The following GALNT11 variants were observed in gnomAD, a reference collection of about 807,000 sequenced individuals.
GALNT11 encodes polypeptide N-acetylgalactosaminyltransferase 11.
GALNT11 carries 47 observed loss-of-function variants against 72.7 expected under a neutral mutation model. The ratio of observed to expected loss-of-function variants is 0.65; its 90% CI spans 0.51 to 0.82. The LOEUF is 0.82. Ranked by LOEUF, GALNT11 falls within the 40% of genes least tolerant of loss-of-function variation. GALNT11 has a pLI of 0.00. For missense variants in GALNT11, 677 were observed against 778.4 expected, an observed-to-expected ratio of 0.87 and a Z score of 1.55; for synonymous variants, 270 against 286.6, an observed-to-expected ratio of 0.94 and a Z score of 0.58.
At chr7:152,065,529 G>A (rs2084259377) in intron 1 of GALNT11, among the ~76,000 whole-genome samples, 1 of 152,186 alleles carries the variant, frequency 6.6e-6, no homozygotes, top group Non-Finnish European at 1.5e-5. Context: ...CTGATTTTTA[G>A]AATTTTCAGC....
In GALNT11 at chr7:152,113,276, A is replaced by G. The variant is rs1197635743; in HGVS notation, c.1111A>G (p.Ile371Val). The G allele has an allele frequency of 6.2e-7, 1 of 1,613,772 alleles. No individual in the cohort carries two copies. Among genetic ancestry groups the G allele is most frequent in the South Asian group, 1.1e-5 (1 of 90,984 alleles). Reference sequence around the variant, plus strand: ...GATGTGTGGCGGTAAGCTCTTCATCATCCCTTGCTCTAGAGTAGGACACAT... The same window carrying G: ...GATGTGTGGCGGTAAGCTCTTCATCGTCCCTTGCTCTAGAGTAGGACACAT... ...IWMCGGKLFI[I>V]PCSRVGHIFR... The change falls in exon 8 of 12, where the codon ATC becomes GTC. Residue 371 changes from isoleucine (I) to valine (V), a missense_variant. By Grantham distance (29) the Ile-to-Val change is conservative. Coordinates refer to ENST00000430044, the MANE Select transcript of GALNT11 (RefSeq NM_022087.4).
chr7:152,081,322 A>C (rs576869631), intron 1 of GALNT11, among the ~76,000 whole-genome samples: 2 of 152,332 alleles, frequency 1.3e-5, no homozygotes, highest in African/African-American at 4.8e-5. Flanking sequence ...GACTACAAAA[A>C]GCATTTCAAA....
chr7:152,079,039 G>A (rs1439098635), intron 1 of GALNT11, among the ~76,000 whole-genome samples: 1 of 152,204 alleles, frequency 6.6e-6, no homozygotes, highest in Non-Finnish European at 1.5e-5. Context: ...TGGCATAGCT[G>A]ACACAGGAAA....
chr7:152,055,281 C>T (rs998205503), intron 1 of GALNT11, among the ~76,000 whole-genome samples: 2 of 152,048 alleles, frequency 1.3e-5, no homozygotes, highest in East Asian at 3.9e-4. Flanking sequence ...TAAAAGATGC[C>T]AAATAATCTC....
intron 1 of GALNT11, among the ~76,000 whole-genome samples, chr7:152,050,173 C>A (rs1314268727): frequency 1.3e-5 from 2 of 152,016 alleles, no homozygotes; most frequent in Non-Finnish European, 2.9e-5. Flanking sequence ...TTTTCTCAAG[C>A]AGAAGTCCCT....
At chr7:152,102,370 T>G (rs2087017783) in intron 3 of GALNT11, among the ~76,000 whole-genome samples, 1 of 151,974 alleles carries the variant, frequency 6.6e-6, no homozygotes, top group Admixed American at 6.5e-5. Flanking sequence ...GGTGAAACTC[T>G]GTCTCTACTA....
intron 6 of GALNT11, among the ~76,000 whole-genome samples, chr7:152,109,617 A>C (rs771464578): frequency 4.6e-5 from 7 of 151,976 alleles, no homozygotes; most frequent in Non-Finnish European, 1.0e-4. Flanking sequence ...TTTCTGGTGT[A>C]TGTTGTTTCT....
intron 1 of GALNT11, among the ~76,000 whole-genome samples, chr7:152,029,817 C>T (rs535838817): frequency 4.6e-5 from 7 of 152,300 alleles, no homozygotes; most frequent in East Asian, 1.9e-4. Flanking sequence ...TAGATCTGGT[C>T]GGACCTTTGT....
intron 3 of GALNT11, among the ~76,000 whole-genome samples, chr7:152,101,634 CT>C (rs145722687): frequency 9.3e-5 from 10 of 107,940 alleles, no homozygotes; most frequent in Admixed American, 4.2e-4. Context: ...AAGTTCATGG[CT>C]TTTTTTTGGG....
intron 8 of GALNT11, 49 bp from the exon 9 acceptor site, chr7:152,117,108 T>C: frequency 6.6e-7 from 1 of 1,519,708 alleles, no homozygotes; most frequent in Non-Finnish European, 8.9e-7. Flanking sequence ...TGTATCATCA[T>C]TTTTAACAAA....
chr7:152,116,762 C>A, intron 8 of GALNT11: 1 of 354,992 alleles, frequency 2.8e-6, no homozygotes, highest in Admixed American at 3.9e-5. Context: ...AGCCAGCCAG[C>A]CAGCAAAAAG....
At chr7:152,076,420 G>C (rs1382116862) in intron 1 of GALNT11, among the ~76,000 whole-genome samples, 1 of 151,974 alleles carries the variant, frequency 6.6e-6, no homozygotes, top group African/African-American at 2.4e-5. Context: ...AATGAAGTGC[G>C]CCGTCTAGGA....
At chr7:152,027,066 G>T (rs538380749) in intron 1 of GALNT11, among the ~76,000 whole-genome samples, 1 of 152,146 alleles carries the variant, frequency 6.6e-6, no homozygotes, top group East Asian at 1.9e-4. Context: ...TGGCTAACAC[G>T]GTGAAATCCC....
chr7:152,033,786 G>T (rs1315007801), intron 1 of GALNT11, among the ~76,000 whole-genome samples: 1 of 152,206 alleles, frequency 6.6e-6, no homozygotes, highest in Non-Finnish European at 1.5e-5. Flanking sequence ...CCATACTGGG[G>T]ATGGCTTGCT....
At chr7:152,060,749 T>A (rs2083960560) in intron 1 of GALNT11, among the ~76,000 whole-genome samples, 1 of 152,106 alleles carries the variant, frequency 6.6e-6, no homozygotes, top group African/African-American at 2.4e-5. Context: ...TTGCAGTAGT[T>A]TGCTGAGAAT....
At chr7:152,036,751 T>C (rs915509630) in intron 1 of GALNT11, among the ~76,000 whole-genome samples, 5 of 152,318 alleles carry the variant, frequency 3.3e-5, no homozygotes, top group Admixed American at 3.3e-4. Context: ...CCATCATTCA[T>C]TATTGCCTGT....
At chr7:152,030,630 CTCTCTT>C (rs1192624313) in intron 1 of GALNT11, among the ~76,000 whole-genome samples, 2 of 152,142 alleles carry the variant, frequency 1.3e-5, no homozygotes, top group Non-Finnish European at 2.9e-5. Flanking sequence ...CTACTTCTAT[CTCTCTT>C]TCTCTTTGAT....
At chr7:152,073,007 C>G (rs1336861581) in intron 1 of GALNT11, among the ~76,000 whole-genome samples, 1 of 152,122 alleles carries the variant, frequency 6.6e-6, no homozygotes, top group Non-Finnish European at 1.5e-5. Context: ...TTACAATATA[C>G]ATTTTATTTT....
At chr7:152,106,458 AAG>A (rs2087565654) in intron 5 of GALNT11, among the ~76,000 whole-genome samples, 1 of 152,226 alleles carries the variant, frequency 6.6e-6, no homozygotes. Flanking sequence ...ACAAAAAAAA[AAG>A]AGAAGCAGCT....
Sources: allele counts gnomAD v4.1 joint callset (sites outside exome capture counted in the v4.1 genomes callset), GRCh38; gene constraint gnomAD v4.1.1; transcripts MANE v1.5; gene names NCBI Gene and HGNC (gene_info 2026-07-23, HGNC 2026-07-21).